SOX5: variants seen among roughly 807,000 people sequenced by gnomAD.
SOX5 encodes transcription factor SOX-5.
Under a neutral mutation model 92.0 loss-of-function variants are expected in SOX5, and 9 were observed. That is an observed-to-expected ratio of 0.10 (90% CI 0.06 to 0.17). The LOEUF (loss-of-function observed/expected upper bound fraction) is 0.17, where lower values mean the gene tolerates loss of function less well. Among genes scored for constraint, SOX5 ranks in the 10% least tolerant of loss-of-function variants. The pLI, the probability that SOX5 is intolerant of heterozygous loss-of-function variation, is 1.00. For synonymous variants in SOX5, 344 were observed against 336.3 expected (o/e 1.02, Z -0.25); for missense variants, 642 against 944.5 (o/e 0.68, Z 4.20).
chr12:23,648,155 ATAATC>A (rs1474929051), intron 7 of SOX5, among the ~76,000 whole-genome samples: 1 of 152,226 alleles, frequency 6.6e-6, no homozygotes, highest in African/African-American at 2.4e-5. Flanking sequence ...ACATATAATA[ATAATC>A]AAGTTTGAAA....
chr12:24,037,136 G>A (rs1004589746), intron 4 of SOX5, among the ~76,000 whole-genome samples: 1 of 152,138 alleles, frequency 6.6e-6, no homozygotes, highest in Non-Finnish European at 1.5e-5. Context: ...GATAGGGGGA[G>A]GGGGAGGGAG....
intron 1 of SOX5, among the ~76,000 whole-genome samples, chr12:24,419,549 TTC>T (rs2136913294): frequency 6.6e-6 from 1 of 152,256 alleles, no homozygotes; most frequent in African/African-American, 2.4e-5. Context: ...CTCTAAAACT[TTC>T]TGTGTTTCAT....
chr12:24,116,227 A>G (rs1442944973), intron 4 of SOX5, among the ~76,000 whole-genome samples: 1 of 152,160 alleles, frequency 6.6e-6, no homozygotes, highest in African/African-American at 2.4e-5. Context: ...TTTATTTGGC[A>G]TAAACACTAT....
chr12:23,875,083 G>T (rs1484533780), intron 2 of SOX5, among the ~76,000 whole-genome samples: 1 of 152,150 alleles, frequency 6.6e-6, no homozygotes, highest in Admixed American at 6.5e-5. Flanking sequence ...GATTTTCTCT[G>T]TGCATCTTAA....
chr12:24,358,737 T>G (rs1265691684), intron 2 of SOX5, among the ~76,000 whole-genome samples: 1 of 152,208 alleles, frequency 6.6e-6, no homozygotes, highest in Admixed American at 6.5e-5. Context: ...ATGGCAAGCA[T>G]AGGTCATTAA....
In SOX5 at chr12:24,095,145, AG is replaced by A. The variant is rs1254775441; in HGVS notation, c.-2+118197del. 4.2e-3 allele frequency among the ~76,000 whole-genome samples: 637 copies of A among 151,196 alleles called. 3 individuals carry two copies. Among genetic ancestry groups the A allele is most frequent in the East Asian group, 0.017 (89 of 5,118 alleles). On this transcript the variant is annotated intron_variant, in intron 4 of 4. Coordinates refer to the SOX5 transcript ENST00000446891. ...CACACACACAGAGAGAGAGAGAGAGAGAGAGAGAGAGACAGAGACAGAGAGA... is the reference window on the plus strand; with the variant it reads ...CACACACACAGAGAGAGAGAGAGAGAAGAGAGAGAGACAGAGACAGAGAGA...
At chr12:23,757,914 G>A (rs1326610172) in intron 3 of SOX5, among the ~76,000 whole-genome samples, 2 of 134,468 alleles carry the variant, frequency 1.5e-5, no homozygotes, top group African/African-American at 2.8e-5. Flanking sequence ...GAAACCTGCA[G>A]AACATTCCAG....
At chr12:24,387,568 C>A (rs1262311392) in intron 1 of SOX5, among the ~76,000 whole-genome samples, 1 of 151,996 alleles carries the variant, frequency 6.6e-6, no homozygotes, top group Admixed American at 6.6e-5. Context: ...TCAAATCACT[C>A]CAGGAGATGG....
intron 1 of SOX5, among the ~76,000 whole-genome samples, chr12:24,401,371 A>AG (rs1371448038): frequency 4.0e-5 from 6 of 150,548 alleles, no homozygotes; most frequent in African/African-American, 1.5e-4. Context: ...AAAAAAAAAA[A>AG]GTTATTTTTT....
At chr12:23,796,192 C>T (rs1205172769) in intron 3 of SOX5, among the ~76,000 whole-genome samples, 4 of 152,100 alleles carry the variant, frequency 2.6e-5, no homozygotes, top group East Asian at 1.9e-4. Context: ...AGTCCTTTTG[C>T]CTAAAATCTT....
chr12:23,614,029 C>G (rs2076268364), intron 8 of SOX5, among the ~76,000 whole-genome samples: 1 of 152,104 alleles, frequency 6.6e-6, no homozygotes, highest in African/African-American at 2.4e-5. Flanking sequence ...CCTCCTCTTC[C>G]CACCCCTAGC....
chr12:23,667,108 G>A (rs530284265), intron 6 of SOX5, among the ~76,000 whole-genome samples: 1 of 152,160 alleles, frequency 6.6e-6, no homozygotes, highest in Non-Finnish European at 1.5e-5. Flanking sequence ...GAAAGAGAAG[G>A]CAATGTGTGT....
At position 23,916,719 on chromosome 12, in the gene SOX5, C is replaced by A. The variant is rs115594063; in HGVS notation, c.39-20695G>T. Among the ~76,000 whole-genome samples the A allele has an allele frequency of 4.9e-3, 745 of 152,154 alleles. 3 individuals are homozygous for A. Among genetic ancestry groups the A allele is most frequent in the Middle Eastern group, 6.8e-3 (2 of 294 alleles). ...TAATAAATAATCAATGTAGCCTTTC[C>A]GGTTCTTAGAAACCCACAGGGAATT... is the stretch of plus-strand genomic sequence containing the variant. On this transcript the variant is annotated intron_variant, in intron 1 of 14. Transcript: ENST00000451604.
intron 4 of SOX5, among the ~76,000 whole-genome samples, chr12:24,119,642 T>C (rs532483708): frequency 1.1e-4 from 17 of 152,246 alleles, no homozygotes; most frequent in Admixed American, 4.6e-4. Flanking sequence ...TTATGAGTAA[T>C]TATTCCATTG....
At chr12:23,739,148 C>T (rs552772045) in intron 5 of SOX5, among the ~76,000 whole-genome samples, 4 of 152,186 alleles carry the variant, frequency 2.6e-5, no homozygotes, top group South Asian at 2.1e-4. Flanking sequence ...TGTAGACACA[C>T]GAATATTAAA....
chr12:24,506,782 G>GTTTTTTTTTTTTTTTTTTTTT (rs1386116375), intron 1 of SOX5, among the ~76,000 whole-genome samples: 7 of 80,266 alleles, frequency 8.7e-5, no homozygotes, highest in Admixed American at 3.1e-4. Context: ...TATCCAAATG[G>GTTTTTTTTTTTTTTTTTTTTT]TCTTTTTTTT....
intron 4 of SOX5, among the ~76,000 whole-genome samples, chr12:23,973,010 ACT>A (rs1023168290): frequency 6.6e-6 from 1 of 151,650 alleles, no homozygotes; most frequent in Non-Finnish European, 1.5e-5. Flanking sequence ...CGACCTTCCT[ACT>A]CTGTTTATAT....
At chr12:23,598,387 C>CTTTTTTTTTT (rs201719026) in intron 9 of SOX5, among the ~76,000 whole-genome samples, 4 of 95,128 alleles carry the variant, frequency 4.2e-5, no homozygotes, top group African/African-American at 8.8e-5. Flanking sequence ...TGTGCTTTAT[C>CTTTTTTTTTT]TTTTTTTTTT....
rs71063308 is a variant in SOX5, at chr12:24,320,864, C to CAAA, written c.-173-43555_-173-43553dup. On this transcript the variant is annotated intron_variant, in intron 2 of 4. Coordinates refer to the SOX5 transcript ENST00000446891. Reference sequence around the variant, plus strand: ...TGGGCGACAGAGCAAGACTCTGTCTCAAAAAAAAATAATAATAATAATAAT... The same window carrying CAAA: ...TGGGCGACAGAGCAAGACTCTGTCTCAAAAAAAAAAAATAATAATAATAATAAT... Among the ~76,000 whole-genome samples, 1,168 of 135,674 alleles carry CAAA rather than the reference C, an allele frequency of 8.6e-3. 18 individuals carry two copies. The highest frequency in any genetic ancestry group is 0.026 in the African/African-American group (943 of 36,260). The allele number at this position is 135,674 out of a possible 152,430, so 89.0% of individuals were successfully genotyped here.
Sources: allele counts gnomAD v4.1 joint callset (sites outside exome capture counted in the v4.1 genomes callset), GRCh38; gene constraint gnomAD v4.1.1; transcripts MANE v1.5; gene names NCBI Gene and HGNC (gene_info 2026-07-23, HGNC 2026-07-21).